POLR3A: variants seen among roughly 807,000 people sequenced by gnomAD.
POLR3A encodes DNA-directed RNA polymerase III subunit RPC1.
A neutral mutation model predicts 152.8 loss-of-function variants in POLR3A; 112 were observed. The ratio of observed to expected loss-of-function variants is 0.73; its 90% confidence interval spans 0.63 to 0.86. POLR3A has a LOEUF of 0.86. Among genes scored for constraint, POLR3A ranks in the 40% least tolerant of loss-of-function variants. POLR3A has a pLI of 0.00. For synonymous variants in POLR3A, 615 were observed against 652.1 expected, an observed-to-expected ratio of 0.94 and a Z score of 0.87; for missense variants, 1,385 against 1,743.1, an observed-to-expected ratio of 0.79 and a Z score of 3.66.
chr10:77,999,086 G>A (rs1039924774), intron 19 of POLR3A, among the ~76,000 whole-genome samples: 1 of 152,092 alleles, frequency 6.6e-6, no homozygotes, highest in African/African-American at 2.4e-5. Flanking sequence ...TCACTCATAG[G>A]TGGAAATTGA....
At chr10:78,026,821 C>T (rs1847639979) in intron 1 of POLR3A, among the ~76,000 whole-genome samples, 1 of 152,200 alleles carries the variant, frequency 6.6e-6, no homozygotes, top group Non-Finnish European at 1.5e-5. Context: ...TCTGTATAGA[C>T]ACCTCCTCCT....
intron 4 of POLR3A, 123 bp downstream of exon 4, chr10:78,024,848 G>C: frequency 7.3e-7 from 1 of 1,373,176 alleles, no homozygotes; most frequent in Non-Finnish European, 1.0e-6. Flanking sequence ...TCAGTTGTTG[G>C]GCTCTTAAGC....
In POLR3A at chr10:78,026,127, G is replaced by A. The variant is rs768145078; in HGVS notation, c.147C>T (p.Ala49=). Residue 49 remains alanine (A), a synonymous_variant, in exon 2 of 31, where the codon GCC becomes GCT. Coordinates refer to ENST00000372371, the MANE Select transcript of POLR3A (RefSeq NM_007055.4). ...GGTCGAGCACCCCATATAGCAAGGGGGCATGTTGGTTGTCCTGGCTGTACA... is the reference window on the plus strand; with the variant it reads ...GGTCGAGCACCCCATATAGCAAGGGAGCATGTTGGTTGTCCTGGCTGTACA... ...KNLYSQDNQH[A]PLLYGVLDHR... The A allele has an allele frequency of 2.1e-5, 34 of 1,614,070 alleles. No individual in the cohort carries two copies. Among genetic ancestry groups the A allele is most frequent in the Non-Finnish European group, 2.8e-5 (33 of 1,180,034 alleles).
chr10:78,023,682 A>G (rs73300606), intron 5 of POLR3A, among the ~76,000 whole-genome samples: 20,990 of 150,652 alleles, frequency 0.14, 4,690 homozygotes, highest in African/African-American at 0.47. Context: ...GGAGGCTGAC[A>G]TGCAAGGATC....
chr10:77,979,112 C>T (rs549439838), intron 30 of POLR3A, among the ~76,000 whole-genome samples: 2 of 152,318 alleles, frequency 1.3e-5, no homozygotes, highest in African/African-American at 4.8e-5. Flanking sequence ...CCGCTCTCAC[C>T]CTTCTTTATC....
At position 78,026,245 on chromosome 10, in the gene POLR3A, A is replaced by G; in HGVS notation, c.45-16T>C. The G allele has an allele frequency of 6.2e-7, 1 of 1,614,162 alleles. No individual in the cohort carries two copies. The highest frequency in any genetic ancestry group is 8.5e-7 in the Non-Finnish European group (1 of 1,180,008). ...GATGTGGCTTCTGGAATGGGAAGAA[A>G]AAGGTGAAAATTACAGCAAAATCTG... On this transcript the variant is annotated splice_polypyrimidine_tract_variant and intron_variant, in intron 1 of 30. Transcript: ENST00000372371.
chr10:78,018,088 A>C (rs1847542275), intron 9 of POLR3A, among the ~76,000 whole-genome samples: 1 of 151,012 alleles, frequency 6.6e-6, no homozygotes, highest in Non-Finnish European at 1.5e-5. Context: ...AGGTGGGAGG[A>C]TCACCTGAGC....
rs1286378103 is a variant in POLR3A at position 77,982,331 on chromosome 10, A to T, written c.3595-13T>A. On this transcript the variant is annotated splice_polypyrimidine_tract_variant and intron_variant, in intron 27 of 30. Coordinates refer to ENST00000372371, the MANE Select transcript of POLR3A (RefSeq NM_007055.4). Reference sequence around the variant, plus strand: ...CCTGCACCACCACCTGGATTCAGAGACAGAGAAAGCTGTGAGGACGGGGTG... The same window carrying T: ...CCTGCACCACCACCTGGATTCAGAGTCAGAGAAAGCTGTGAGGACGGGGTG... The T allele has an allele frequency of 1.2e-6, 2 of 1,613,912 alleles. No homozygotes were observed. The highest frequency in any genetic ancestry group is 2.2e-5 in the East Asian group (1 of 44,854).
At position 77,982,751 on chromosome 10, in the gene POLR3A, C is replaced by T. The variant is rs962900905; in HGVS notation, c.3496G>A (p.Ala1166Thr). The change falls in exon 27 of 31, where the codon GCT (alanine) becomes ACT (threonine). Residue 1166 changes from alanine (A) to threonine (T), a missense_variant. Physicochemically the swap from Ala to Thr is moderately conservative, Grantham distance 58 (BLOSUM62 0). Coordinates refer to ENST00000372371, the MANE Select transcript of POLR3A (RefSeq NM_007055.4). Reference sequence around the variant, plus strand: ...CACACCACAGCCTCACCATGAACAGCCACATCACCGGGCTTCACACGGAGC... The same window carrying T: ...CACACCACAGCCTCACCATGAACAGTCACATCACCGGGCTTCACACGGAGC... ...SKLRVKPGDVAVHGEAVVCVT... is the reference protein window; with the variant it reads ...SKLRVKPGDVTVHGEAVVCVT... 8.1e-6 allele frequency: 13 copies of T among 1,613,824 alleles called. No individual in the cohort carries two copies. The highest frequency in any genetic ancestry group is 1.1e-5 in the Non-Finnish European group (13 of 1,179,892).
intron 11 of POLR3A, among the ~76,000 whole-genome samples, chr10:78,012,864 G>C (rs142627921): frequency 2.2e-3 from 336 of 152,306 alleles, no homozygotes; most frequent in Middle Eastern, 0.01. Flanking sequence ...TGGGACTACA[G>C]GCGTGCGCCA....
intron 15 of POLR3A, among the ~76,000 whole-genome samples, chr10:78,006,104 A>G (rs1462281584): frequency 6.6e-6 from 1 of 152,212 alleles, no homozygotes; most frequent in East Asian, 1.9e-4. Context: ...GAAAGCTTTA[A>G]AAACAAAACA....
At chr10:78,000,929 G>A (rs1210682399) in intron 18 of POLR3A, 47 bp downstream of exon 18, 1 of 968,284 alleles carries the variant, frequency 1.0e-6, no homozygotes, top group Admixed American at 1.7e-5. Context: ...GGAGGAAAGT[G>A]TAGATTAAGA....
At chr10:77,984,391 A>C (rs1184082258) in intron 24 of POLR3A, 93 bp from the exon 25 acceptor site, 7 of 793,140 alleles carry the variant, frequency 8.8e-6, no homozygotes, top group Non-Finnish European at 1.6e-5. Flanking sequence ...ATTTAGAATC[A>C]TAATGTTACT....
chr10:77,978,684 G>A (rs1847112128), intron 30 of POLR3A, among the ~76,000 whole-genome samples: 1 of 143,496 alleles, frequency 7.0e-6, no homozygotes, highest in African/African-American at 2.6e-5. Flanking sequence ...TTTTTGAGAC[G>A]GAGTCCTGCT....
intron 5 of POLR3A, 60 bp from the exon 6 acceptor site, chr10:78,022,444 A>C (rs201239896): frequency 2.7e-5 from 43 of 1,580,430 alleles, no homozygotes; most frequent in Non-Finnish European, 3.5e-5. Flanking sequence ...TAGCTTGGGC[A>C]AGGTTTTCCT....
chr10:77,985,646 C>T (rs1847189727), intron 23 of POLR3A, among the ~76,000 whole-genome samples: 1 of 152,222 alleles, frequency 6.6e-6, no homozygotes, highest in African/African-American at 2.4e-5. Flanking sequence ...GCAAACAGAG[C>T]AGTGGCATCT....
At chr10:78,007,249 GC>G (rs1186650920) in intron 15 of POLR3A, among the ~76,000 whole-genome samples, 1 of 152,102 alleles carries the variant, frequency 6.6e-6, no homozygotes, top group African/African-American at 2.4e-5. Context: ...AGTTTTGGGG[GC>G]ATGCAAACAT....
chr10:78,004,575 G>A, intron 16 of POLR3A, 141 bp downstream of exon 16: 1 of 697,548 alleles, frequency 1.4e-6, no homozygotes, highest in South Asian at 1.6e-5. Flanking sequence ...TGAGCCCTGG[G>A]CCCCAACAGG....
intron 5 of POLR3A, among the ~76,000 whole-genome samples, chr10:78,023,531 A>T (rs112830991): frequency 0.084 from 12,828 of 152,050 alleles, 1,722 homozygotes; most frequent in African/African-American, 0.29. Context: ...CTGTAATCCC[A>T]GTACTTTGGA....
Sources: gnomAD v4.1 joint callset for allele counts (sites outside exome capture counted in the v4.1 genomes callset) on GRCh38, gnomAD v4.1.1 for gene constraint, MANE v1.5 for transcripts, NCBI Gene and HGNC (gene_info 2026-07-23, HGNC 2026-07-21) for gene names.